The following PBLD variants were observed in gnomAD, a reference collection of about 807,000 sequenced individuals.
The protein encoded by PBLD is phenazine biosynthesis like protein domain containing, also known as phenazine biosynthesis-like domain-containing protein.
A neutral mutation model predicts 31.3 loss-of-function variants in PBLD; 26 were observed. The observed-to-expected ratio is 0.83, with a 90% confidence interval of 0.61 to 1.15. The LOEUF is 1.15. PBLD is among the 50% of genes most tolerant of loss of function. The pLI is 0.00. For synonymous variants in PBLD, 114 were observed against 129.0 expected, an observed-to-expected ratio of 0.88 and a Z score of 0.79; for missense variants, 307 against 351.7, an observed-to-expected ratio of 0.87 and a Z score of 1.02.
chr10:68,319,830 A>ATT (rs200063252), intron 1 of PBLD, among the ~76,000 whole-genome samples: 12 of 147,194 alleles, frequency 8.2e-5, no homozygotes, highest in African/African-American at 2.2e-4. Context: ...TTATTTATTT[A>ATT]TTTTTTTTTT....
intron 2 of PBLD, among the ~76,000 whole-genome samples, chr10:68,302,093 T>C (rs1218458936): frequency 6.6e-6 from 1 of 152,232 alleles, no homozygotes; most frequent in Non-Finnish European, 1.5e-5. Context: ...AGAGAGAGGA[T>C]GCATTTGTTC....
At chr10:68,289,134 G>A (rs1346953140) in intron 6 of PBLD, 115 bp from the exon 7 acceptor site, 10 of 747,800 alleles carry the variant, frequency 1.3e-5, no homozygotes, top group Middle Eastern at 7.6e-4. Context: ...CATGCCCATC[G>A]TCTCCAGTCC....
chr10:68,317,984 T>C (rs1029204683), intron 1 of PBLD, among the ~76,000 whole-genome samples: 1 of 152,058 alleles, frequency 6.6e-6, no homozygotes, highest in African/African-American at 2.4e-5. Flanking sequence ...TCCCAGCACT[T>C]TGGGTGGCCA....
Position 68,284,135 on chromosome 10 carries a change from T to A in PBLD, c.*42A>T. The A allele has an allele frequency of 6.6e-7, 1 of 1,522,510 alleles. No homozygotes were observed. Among genetic ancestry groups the A allele is most frequent in the South Asian group, 1.1e-5 (1 of 87,632 alleles). The allele number at this position is 1,522,510 out of a possible 1,614,324, so 94.3% of individuals were successfully genotyped here. A position where few individuals can be genotyped will look rare whatever the true frequency, so the allele number is the denominator to read the frequency against. ...CTTACATTTCTTTTTAAGCAGAAAA[T>A]ACTTGGTGGTTAGAGACAGCAGCGT... On this transcript the variant is annotated 3_prime_UTR_variant, in exon 10 of 10. Transcript: ENST00000358769.
intron 1 of PBLD, among the ~76,000 whole-genome samples, chr10:68,316,988 G>C (rs575439117): frequency 6.6e-5 from 10 of 152,262 alleles, no homozygotes; most frequent in Middle Eastern, 3.4e-3. Flanking sequence ...ACTCCAGCTT[G>C]AGCTACAGAG....
chr10:68,300,802 G>A (rs2044495586), intron 2 of PBLD, among the ~76,000 whole-genome samples: 1 of 152,108 alleles, frequency 6.6e-6, no homozygotes, highest in Non-Finnish European at 1.5e-5. Flanking sequence ...AGAAAAGAGG[G>A]GAGATTTCGG....
chr10:68,310,952 A>C (rs1211240649), intron 1 of PBLD, among the ~76,000 whole-genome samples: 1 of 152,208 alleles, frequency 6.6e-6, no homozygotes, highest in African/African-American at 2.4e-5. Context: ...CCTACCTTAC[A>C]CATGCTCAGA....
At chr10:68,294,980 A>C (rs903326918) in intron 4 of PBLD, among the ~76,000 whole-genome samples, 4 of 151,556 alleles carry the variant, frequency 2.6e-5, no homozygotes, top group African/African-American at 9.7e-5. Context: ...CCTTGTTTCC[A>C]TTTCCGTTTG....
chr10:68,297,281 C>T (rs1205785689), intron 2 of PBLD: 2 of 406,424 alleles, frequency 4.9e-6, no homozygotes, highest in African/African-American at 2.0e-5. Context: ...ACAGAGTGTG[C>T]TGTCTTCTAA....
chr10:68,325,767 A>G (rs2044910320), intron 1 of PBLD, among the ~76,000 whole-genome samples: 2 of 152,072 alleles, frequency 1.3e-5, no homozygotes, highest in Admixed American at 1.3e-4. Flanking sequence ...CTCAACTGTA[A>G]ATGCTTTTCC....
At chr10:68,304,465 G>A (rs1008520908) in intron 2 of PBLD, among the ~76,000 whole-genome samples, 53 of 152,164 alleles carry the variant, frequency 3.5e-4, no homozygotes, top group South Asian at 1.0e-3. Flanking sequence ...ATACTAAAGC[G>A]TGTTGTTTTA....
chr10:68,320,967 G>A (rs963552492), intron 1 of PBLD, among the ~76,000 whole-genome samples: 4 of 151,862 alleles, frequency 2.6e-5, no homozygotes, highest in African/African-American at 7.3e-5. Context: ...GACTACAGGT[G>A]CGCACCACCA....
chr10:68,302,585 C>T (rs1015906529), intron 2 of PBLD, among the ~76,000 whole-genome samples: 2 of 152,124 alleles, frequency 1.3e-5, no homozygotes, highest in African/African-American at 4.8e-5. Flanking sequence ...TGCAGTGGCT[C>T]TTGTCCAAGC....
At chr10:68,290,501 T>C (rs2044345686) in intron 6 of PBLD, among the ~76,000 whole-genome samples, 1 of 152,174 alleles carries the variant, frequency 6.6e-6, no homozygotes, top group Admixed American at 6.5e-5. Flanking sequence ...GCGGATCACC[T>C]GAGCTCAGGA....
intron 2 of PBLD, among the ~76,000 whole-genome samples, chr10:68,299,000 G>A (rs1042325462): frequency 1.2e-4 from 18 of 150,868 alleles, no homozygotes; most frequent in African/African-American, 3.7e-4. Flanking sequence ...CCAGCTACTC[G>A]GGAAACTGAG....
intron 1 of PBLD, among the ~76,000 whole-genome samples, chr10:68,326,626 G>T (rs1219172711): frequency 1.3e-5 from 2 of 152,224 alleles, no homozygotes; most frequent in African/African-American, 4.8e-5. Flanking sequence ...TAGCAGGAAT[G>T]AACCAGATTC....
chr10:68,299,277 C>A (rs773752859), intron 2 of PBLD, among the ~76,000 whole-genome samples: 11 of 151,918 alleles, frequency 7.2e-5, no homozygotes, highest in Non-Finnish European at 1.3e-4. Context: ...TCCTGAAACT[C>A]TTTCTAACGG....
At chr10:68,319,354 A>G (rs1294068710) in intron 1 of PBLD, among the ~76,000 whole-genome samples, 1 of 152,186 alleles carries the variant, frequency 6.6e-6, no homozygotes, top group East Asian at 1.9e-4. Context: ...AACTCTCCAA[A>G]CAAAGGGCAA....
At chr10:68,318,375 TAAAAA>T (rs34722771) in intron 1 of PBLD, among the ~76,000 whole-genome samples, 3 of 51,274 alleles carry the variant, frequency 5.9e-5, no homozygotes, top group African/African-American at 8.2e-5. Context: ...CTGCCTCTAT[TAAAAA>T]AAAAAAAAAA....
Sources: allele counts gnomAD v4.1 joint callset (sites outside exome capture counted in the v4.1 genomes callset), GRCh38; gene constraint gnomAD v4.1.1; transcripts MANE v1.5; gene names NCBI Gene and HGNC (gene_info 2026-07-23, HGNC 2026-07-21).